The following SYTL2 variants were observed in gnomAD, a reference collection of about 807,000 sequenced individuals.
The protein encoded by SYTL2 is synaptotagmin like 2, also known as synaptotagmin-like protein 2.
SYTL2 carries 165 observed loss-of-function variants against 198.7 expected under a neutral mutation model. The observed-to-expected ratio is 0.83, with a 90% CI of 0.73 to 0.94. The LOEUF is 0.94. Ranked by LOEUF, SYTL2 falls within the 40% of genes least tolerant of loss-of-function variation. The probability of loss-of-function intolerance (pLI) is 0.00; values close to 1 mark genes in which losing one functional copy is unlikely to be tolerated. For synonymous variants in SYTL2, 966 were observed against 917.7 expected (o/e 1.05, Z -0.95); for missense variants, 2,835 against 2,582.8 (o/e 1.10, Z -2.12).
At chr11:85,750,227 T>C (rs1245383473) in intron 2 of SYTL2, among the ~76,000 whole-genome samples, 2 of 152,192 alleles carry the variant, frequency 1.3e-5, no homozygotes, top group Non-Finnish European at 2.9e-5. Context: ...TTAGTCTCCT[T>C]GTTTTTAAGG....
chr11:85,720,232 G>T (rs1385192557), intron 9 of SYTL2, among the ~76,000 whole-genome samples: 1 of 152,188 alleles, frequency 6.6e-6, no homozygotes, highest in Non-Finnish European at 1.5e-5. Flanking sequence ...AAAAGAGAAA[G>T]GAAAGTCCTT....
chr11:85,711,914 G>T (rs1016186226), intron 12 of SYTL2, among the ~76,000 whole-genome samples: 1 of 152,036 alleles, frequency 6.6e-6, no homozygotes, highest in Non-Finnish European at 1.5e-5. Flanking sequence ...TAAAATACAG[G>T]TATTTATTTT....
intron 1 of SYTL2, among the ~76,000 whole-genome samples, chr11:85,763,583 T>C (rs892218922): frequency 1.3e-5 from 2 of 152,120 alleles, no homozygotes; most frequent in African/African-American, 4.8e-5. Flanking sequence ...CCAGACAGTA[T>C]TGTTGTACCA....
rs537246874 is a variant in SYTL2 at position 85,801,082 on chromosome 11, C to A, written c.-390+9872G>T. Among the ~76,000 whole-genome samples the A allele has an allele frequency of 9.8e-4, 150 of 152,352 alleles. 1 individual carries two copies. The highest frequency in any genetic ancestry group is 3.4e-3 in the African/African-American group (143 of 41,578). On this transcript the variant is annotated intron_variant, in intron 1 of 19. Coordinates refer to ENST00000359152, the MANE Select transcript of SYTL2 (RefSeq NM_206927.4). The stretch of plus-strand genomic sequence containing the variant: ...CTGCTTAGGGAGAAGGGCCACCTAG[C>A]TTCTTGCCATTTCCCATAGATGATA...
chr11:85,716,008 A>C (rs1003803463), intron 11 of SYTL2, among the ~76,000 whole-genome samples: 1 of 152,200 alleles, frequency 6.6e-6, no homozygotes, highest in Non-Finnish European at 1.5e-5. Flanking sequence ...TTTACCAGTG[A>C]AAAGGCACTA....
chr11:85,771,846 G>C lies in SYTL2; in HGVS notation c.-389-13732C>G, dbSNP rs74352242. 3.9e-3 allele frequency among the ~76,000 whole-genome samples: 590 copies of C among 152,164 alleles called. 4 individuals carry two copies. Among genetic ancestry groups the C allele is most frequent in the African/African-American group, 0.013 (528 of 41,524 alleles). On this transcript the variant is annotated intron_variant, in intron 1 of 19. Coordinates refer to ENST00000359152, the MANE Select transcript of SYTL2 (RefSeq NM_206927.4). Reference sequence around the variant, plus strand: ...CTGAATCACCACAGGGAGCTGATGAGACCCTGCATGGAAAGACATTTTATA... The same window carrying C: ...CTGAATCACCACAGGGAGCTGATGACACCCTGCATGGAAAGACATTTTATA...
intron 2 of SYTL2, among the ~76,000 whole-genome samples, chr11:85,752,917 TAAAAAA>T (rs1162431708): frequency 0.055 from 957 of 17,454 alleles, 12 homozygotes; most frequent in African/African-American, 0.12. Flanking sequence ...CTGCCTTCAT[TAAAAAA>T]AAAAAAAAAA....
chr11:85,725,092 C>A lies in SYTL2; in HGVS notation c.4266G>T (p.Thr1422=), dbSNP rs781253060. The A allele has an allele frequency of 6.2e-7, 1 of 1,614,144 alleles. No individual in the cohort carries two copies. The highest frequency in any genetic ancestry group is 8.5e-7 in the Non-Finnish European group (1 of 1,179,982). The change falls in exon 8 of 20, where the codon ACG becomes ACT. Residue 1422 remains threonine (T), a synonymous_variant. Coordinates refer to ENST00000359152, the MANE Select transcript of SYTL2 (RefSeq NM_206927.4). ...NPPGVISPWA[T]MDTIVPDRKD... ...TCCTGTCTGGAACTATGGTGTCCATCGTAGCCCATGGTGATATCACTCCTG... is the reference window on the plus strand; with the variant it reads ...TCCTGTCTGGAACTATGGTGTCCATAGTAGCCCATGGTGATATCACTCCTG...
the SYTL2 span, chr11:85,853,173 C>T: frequency 2.7e-6 from 1 of 373,840 alleles, no homozygotes; most frequent in East Asian, 1.1e-4. Flanking sequence ...CCCAACAGCT[C>T]ATTGAGAACA....
At chr11:85,709,632 A>G in intron 13 of SYTL2, 132 bp from the exon 14 acceptor site, 2 of 789,432 alleles carry the variant, frequency 2.5e-6, no homozygotes, top group Non-Finnish European at 4.1e-6. Context: ...AATATAGCAT[A>G]AAGACATATC....
chr11:85,794,233 C>G (rs1187683155), intron 1 of SYTL2, among the ~76,000 whole-genome samples: 1 of 151,988 alleles, frequency 6.6e-6, no homozygotes, highest in Non-Finnish European at 1.5e-5. Context: ...GGCTGAAGTG[C>G]AACAGCACAG....
intron 11 of SYTL2, among the ~76,000 whole-genome samples, chr11:85,715,874 G>T (rs2087142535): frequency 6.6e-6 from 1 of 152,208 alleles, no homozygotes; most frequent in Non-Finnish European, 1.5e-5. Flanking sequence ...GTATATTGTT[G>T]GATGATGCTA....
chr11:85,765,298 G>A (rs906245484), intron 1 of SYTL2, among the ~76,000 whole-genome samples: 4 of 152,158 alleles, frequency 2.6e-5, no homozygotes, highest in Admixed American at 6.5e-5. Flanking sequence ...GTGCAAGGGC[G>A]TGATCTCCGC....
At chr11:85,730,767 A>T (rs689093) in intron 7 of SYTL2, among the ~76,000 whole-genome samples, 108,006 of 151,948 alleles carry the variant, frequency 0.71, 39,004 homozygotes, top group African/African-American at 0.84. Context: ...GAGAAAAAAA[A>T]AAATGGTATT....
intron 1 of SYTL2, among the ~76,000 whole-genome samples, chr11:85,793,250 G>A (rs530085838): frequency 0.017 from 2,546 of 151,764 alleles, 88 homozygotes; most frequent in African/African-American, 0.058. Context: ...CACCAACAGT[G>A]TAGAAGTGTT....
intron 1 of SYTL2, among the ~76,000 whole-genome samples, chr11:85,783,297 G>A (rs2092590090): frequency 6.6e-6 from 1 of 152,088 alleles, no homozygotes. Flanking sequence ...ATCAGATCTC[G>A]TGAGAACTCA....
chr11:85,702,011 T>C (rs1489417165), intron 16 of SYTL2, among the ~76,000 whole-genome samples: 1 of 152,104 alleles, frequency 6.6e-6, no homozygotes, highest in Non-Finnish European at 1.5e-5. Context: ...TTCATGAGGC[T>C]GGGGAGACAA....
In SYTL2 at chr11:85,720,788, C is replaced by T. The variant is rs1474810937; in HGVS notation, c.5428+70G>A. On this transcript the variant is annotated intron_variant, in intron 9 of 19. Coordinates refer to ENST00000359152, the MANE Select transcript of SYTL2 (RefSeq NM_206927.4). ...CAGTGCACAACAGCACGCAGTGAGG[C>T]TACAGGAGAGCACATAGGCATTTTT... 10 of 1,072,822 alleles carry T rather than the reference C, an allele frequency of 9.3e-6. No homozygotes were observed. The East Asian group carries it at 1.9e-4, about 20-fold the overall frequency. 66.5% of individuals were successfully genotyped at this position (1,072,822 alleles called of 1,614,324 possible). A position where few individuals can be genotyped will look rare whatever the true frequency, so the allele number is the denominator to read the frequency against.
chr11:85,818,664 T>TCTAC, the SYTL2 span, among the ~76,000 whole-genome samples: 1 of 146,936 alleles, frequency 6.8e-6, no homozygotes, highest in African/African-American at 2.7e-5. Flanking sequence ...TTACTATCTA[T>TCTAC]CTATCTATCT....
Sources: gnomAD v4.1 joint callset for allele counts (sites outside exome capture counted in the v4.1 genomes callset) on GRCh38, gnomAD v4.1.1 for gene constraint, MANE v1.5 for transcripts, NCBI Gene and HGNC (gene_info 2026-07-23, HGNC 2026-07-21) for gene names.